EIF5B: variants seen among roughly 807,000 people sequenced by gnomAD.
EIF5B encodes eIF-5B.
A neutral mutation model predicts 147.5 loss-of-function variants in EIF5B; 47 were observed. The observed-to-expected ratio is 0.32, with a 90% CI of 0.25 to 0.41. The LOEUF is 0.41. EIF5B is among the 10% of genes least tolerant of loss of function. EIF5B has a pLI of 1.00. For missense variants in EIF5B, 1,064 were observed against 1,413.2 expected (o/e 0.75, Z 3.96); for synonymous variants, 455 against 456.2 (o/e 1.00, Z 0.03).
chr2:99,383,426 A>C, intron 14 of EIF5B, among the ~76,000 whole-genome samples: 1 of 152,114 alleles, frequency 6.6e-6, no homozygotes, highest in Admixed American at 6.5e-5. Context: ...AAGTTAGGCC[A>C]ATTAATAAGA....
At chr2:99,373,150 G>T (rs1438548810) in intron 9 of EIF5B, among the ~76,000 whole-genome samples, 1 of 152,064 alleles carries the variant, frequency 6.6e-6, no homozygotes, top group Admixed American at 6.5e-5. Context: ...ACTCATATAG[G>T]TACACGAGCT....
At chr2:99,386,062 C>CT (rs1305146024) in intron 14 of EIF5B, among the ~76,000 whole-genome samples, 1 of 152,100 alleles carries the variant, frequency 6.6e-6, no homozygotes, top group Non-Finnish European at 1.5e-5. Flanking sequence ...AGGGTTTTTC[C>CT]TTTTTATTTT....
At chr2:99,382,741 A>G (rs780910886) in intron 13 of EIF5B, 39 bp from the exon 14 acceptor site, 7 of 1,548,184 alleles carry the variant, frequency 4.5e-6, no homozygotes, top group Non-Finnish European at 6.1e-6. Context: ...ATTAATTTCA[A>G]GATTTTCTAC....
chr2:99,392,899 C>A, intron 17 of EIF5B, 68 bp from the exon 18 acceptor site: 1 of 1,302,334 alleles, frequency 7.7e-7, no homozygotes, highest in South Asian at 2.8e-5. Context: ...ATGAGATTCT[C>A]TTATATCATC....
intron 14 of EIF5B, among the ~76,000 whole-genome samples, chr2:99,383,674 A>G (rs753170224): frequency 3.9e-5 from 6 of 152,252 alleles, no homozygotes; most frequent in African/African-American, 9.6e-5. Flanking sequence ...TGAAGCAGCA[A>G]GTACTGATAC....
chr2:99,376,267 C>T, intron 9 of EIF5B, 80 bp from the exon 10 acceptor site: 2 of 963,246 alleles, frequency 2.1e-6, no homozygotes, highest in Non-Finnish European at 2.9e-6. Flanking sequence ...GATTGGACAC[C>T]CCTGCTTTAA....
intron 10 of EIF5B, among the ~76,000 whole-genome samples, 163 bp from the exon 11 acceptor site, chr2:99,378,856 G>A (rs1311100119): frequency 1.3e-5 from 2 of 152,278 alleles, no homozygotes; most frequent in Middle Eastern, 3.4e-3. Flanking sequence ...ATGGGAATTC[G>A]ATTGTAAAGT....
chr2:99,394,124 GT>G (rs1674996130), intron 18 of EIF5B, 142 bp from the exon 19 acceptor site: 1 of 1,056,206 alleles, frequency 9.5e-7, no homozygotes, highest in Non-Finnish European at 1.3e-6. Flanking sequence ...TCCAGCACAG[GT>G]TCTGTGATGC....
chr2:99,357,990 A>G (rs1296737484), intron 1 of EIF5B, among the ~76,000 whole-genome samples: 3 of 152,100 alleles, frequency 2.0e-5, no homozygotes. Context: ...CATTACAGTT[A>G]CTACAAAAGC....
At chr2:99,350,638 A>G (rs748904663) in intron 1 of EIF5B, among the ~76,000 whole-genome samples, 7 of 151,906 alleles carry the variant, frequency 4.6e-5, no homozygotes, top group South Asian at 2.1e-4. Context: ...TTTGAGTTCC[A>G]TATGTATTCT....
intron 15 of EIF5B, 114 bp downstream of exon 15, chr2:99,389,963 A>G (rs1230263393): frequency 2.9e-6 from 4 of 1,383,644 alleles, no homozygotes; most frequent in African/African-American, 1.5e-5. Flanking sequence ...GTTGACAGCA[A>G]TTACTTTTTT....
chr2:99,346,177 G>T (rs778122242), intron 1 of EIF5B, among the ~76,000 whole-genome samples: 3 of 152,164 alleles, frequency 2.0e-5, no homozygotes, highest in Non-Finnish European at 4.4e-5. Flanking sequence ...CATCAAGAGA[G>T]CGTGCAGATT....
chr2:99,394,977 G>A (rs1424286623), intron 21 of EIF5B, 94 bp downstream of exon 21: 3 of 1,176,196 alleles, frequency 2.6e-6, no homozygotes, highest in Non-Finnish European at 3.5e-6. Flanking sequence ...GCAAAATCAT[G>A]GCATTTACTC....
intron 21 of EIF5B, among the ~76,000 whole-genome samples, chr2:99,395,555 GAA>G (rs1675025979): frequency 6.6e-6 from 1 of 152,170 alleles, no homozygotes; most frequent in Non-Finnish European, 1.5e-5. Context: ...GGCTGGTCTT[GAA>G]CTCCTGAGCT....
chr2:99,344,109 C>T (rs547791362), intron 1 of EIF5B, among the ~76,000 whole-genome samples: 2 of 151,794 alleles, frequency 1.3e-5, no homozygotes, highest in Admixed American at 6.6e-5. Flanking sequence ...TTAGTAGAGA[C>T]GGGGTTTCAC....
In EIF5B at chr2:99,379,007, T is replaced by A. The variant is rs747082279; in HGVS notation, c.1843-12T>A. On this transcript the variant is annotated splice_polypyrimidine_tract_variant and intron_variant, in intron 10 of 23. Coordinates refer to ENST00000289371, the MANE Select transcript of EIF5B (RefSeq NM_015904.4). ...TATTTAATTTTTGATTTTTTTTTTT[T>A]TTTATTTCTAGAAACGGCGACTTGA... is the stretch of plus-strand genomic sequence containing the variant. The A allele has an allele frequency of 2.7e-5, 41 of 1,507,958 alleles. No individual in the cohort carries two copies. Among genetic ancestry groups the A allele is most frequent in the Non-Finnish European group, 3.6e-5 (41 of 1,127,494 alleles). 93.4% of individuals were successfully genotyped at this position (1,507,958 alleles called of 1,614,324 possible).
intron 1 of EIF5B, among the ~76,000 whole-genome samples, chr2:99,339,671 A>G (rs2094255323): frequency 6.6e-6 from 1 of 152,044 alleles, no homozygotes; most frequent in South Asian, 2.1e-4. Flanking sequence ...TCCGGCTTAT[A>G]TGTTTCCCTA....
At chr2:99,394,186 A>G (rs751292731) in intron 18 of EIF5B, 81 bp from the exon 19 acceptor site, 5 of 1,518,968 alleles carry the variant, frequency 3.3e-6, no homozygotes, top group Non-Finnish European at 4.4e-6. Flanking sequence ...TACTTAACCA[A>G]AGAGAGAAAC....
rs1264182454 is a variant in EIF5B at position 99,399,614 on chromosome 2, C to G, written c.*200C>G. On this transcript the variant is annotated 3_prime_UTR_variant, in exon 24 of 24. Coordinates refer to ENST00000289371, the MANE Select transcript of EIF5B (RefSeq NM_015904.4). ...TTTGACAGTGGTCAGTTACATGTCCCCACAGTTCCAATGTGCCTGTTCACT... is the reference window on the plus strand; with the variant it reads ...TTTGACAGTGGTCAGTTACATGTCCGCACAGTTCCAATGTGCCTGTTCACT... The G allele has an allele frequency of 5.7e-6, 3 of 524,460 alleles. No homozygotes were observed. 32.5% of individuals were successfully genotyped at this position (524,460 alleles called of 1,614,324 possible). A position where few individuals can be genotyped will look rare whatever the true frequency, so the allele number is the denominator to read the frequency against.
Sources: allele counts gnomAD v4.1 joint callset (sites outside exome capture counted in the v4.1 genomes callset), GRCh38; gene constraint gnomAD v4.1.1; transcripts MANE v1.5; gene names NCBI Gene and HGNC (gene_info 2026-07-23, HGNC 2026-07-21).